The following ANKRD11 variants were observed in gnomAD, a reference collection of about 807,000 sequenced individuals.
The protein encoded by ANKRD11 is ankyrin repeat domain-containing protein 11.
In ANKRD11, 17 loss-of-function variants were observed where a neutral mutation model predicts 195.7. The ratio of observed to expected loss-of-function variants is 0.09; its 90% CI spans 0.06 to 0.13. The LOEUF is 0.13. Among genes scored for constraint, ANKRD11 ranks in the 10% least tolerant of loss-of-function variants. ANKRD11 has a pLI of 1.00. For synonymous variants in ANKRD11, 1,953 were observed against 1,528.1 expected, an observed-to-expected ratio of 1.28 and a Z score of -6.49; for missense variants, 3,735 against 3,566.1, an observed-to-expected ratio of 1.05 and a Z score of -1.21.
chr16:89,449,156 G>A (rs1458178000), intron 1 of ANKRD11, among the ~76,000 whole-genome samples: 1 of 142,848 alleles, frequency 7.0e-6, no homozygotes, highest in Non-Finnish European at 1.5e-5. Context: ...TTTAAGACCT[G>A]CCTAACCAAC....
chr16:89,290,846 G>A lies in ANKRD11; in HGVS notation c.398-18C>T, dbSNP rs1020199055. 1 of 1,612,938 alleles carries A rather than the reference G, an allele frequency of 6.2e-7. No homozygotes were observed. The highest frequency in any genetic ancestry group is 1.7e-5 in the Admixed American group (1 of 60,024). The stretch of plus-strand genomic sequence containing the variant: ...TGTGTCCACTGCAGGCCAAGGAGGG[G>A]ACAGATGGGCATTACTGTGGGGTGG... On this transcript the variant is annotated intron_variant, in intron 5 of 12. Coordinates refer to ENST00000301030, the MANE Select transcript of ANKRD11 (RefSeq NM_013275.6).
At chr16:89,292,849 G>C (rs1309402231) in intron 4 of ANKRD11, among the ~76,000 whole-genome samples, 1 of 152,240 alleles carries the variant, frequency 6.6e-6, no homozygotes, top group Non-Finnish European at 1.5e-5. Flanking sequence ...CTTGGCTGTG[G>C]GTCTCTGCGT....
At position 89,270,924 on chromosome 16, in the gene ANKRD11, C is replaced by A. The variant is rs1264168229; in HGVS notation, c.7714-15G>T. On this transcript the variant is annotated splice_polypyrimidine_tract_variant and intron_variant, in intron 11 of 12. Transcript: ENST00000301030. ...TTCTCGTCACCCTGTGGAAACCAAA[C>A]ACGGGAGTTTCATCAGGAGCCCCAG... 6.2e-7 allele frequency: 1 copy of A among 1,613,608 alleles called. No homozygotes were observed. The highest frequency in any genetic ancestry group is 1.7e-5 in the Admixed American group (1 of 59,986).
chr16:89,439,599 G>A (rs897701565), intron 1 of ANKRD11, among the ~76,000 whole-genome samples: 15 of 152,152 alleles, frequency 9.9e-5, no homozygotes, highest in Admixed American at 6.5e-4. Context: ...ACACCACAGC[G>A]CCTCAGCAAT....
chr16:89,459,839 T>C (rs1464180164), intron 1 of ANKRD11, among the ~76,000 whole-genome samples: 2 of 150,970 alleles, frequency 1.3e-5, no homozygotes, highest in African/African-American at 4.9e-5. Context: ...AGGCTGAGCC[T>C]GGAGGATCGC....
chr16:89,352,405 G>A (rs567369020), intron 2 of ANKRD11, among the ~76,000 whole-genome samples: 3 of 151,616 alleles, frequency 2.0e-5, no homozygotes, highest in Non-Finnish European at 4.4e-5. Flanking sequence ...GAAGGCCACA[G>A]TGACGCCCTC....
In ANKRD11 at chr16:89,280,373, C is replaced by G. The variant is rs2034095548; in HGVS notation, c.6169G>C (p.Ala2057Pro). The G allele has an allele frequency of 6.4e-7, 1 of 1,562,436 alleles. No homozygotes were observed. The highest frequency in any genetic ancestry group is 8.7e-7 in the Non-Finnish European group (1 of 1,155,374). The change falls in exon 9 of 13, where the codon GCC (alanine) becomes CCC (proline). Residue 2057 changes from alanine to proline, a missense_variant. By Grantham distance (27) the Ala-to-Pro change is conservative. Coordinates refer to ENST00000301030, the MANE Select transcript of ANKRD11 (RefSeq NM_013275.6). ...AISTSEAAPY[A>P]PPSGLESFFS... The stretch of plus-strand genomic sequence containing the variant: ...AAGGACTCCAGCCCGGAGGGAGGGG[C>G]GTAGGGAGCCGCCTCTGAGGTGGAG...
At chr16:89,401,962 G>A (rs1231821554) in intron 2 of ANKRD11, among the ~76,000 whole-genome samples, 3 of 98,500 alleles carry the variant, frequency 3.0e-5, no homozygotes, top group African/African-American at 8.4e-5. Context: ...CTCCAGCACC[G>A]CAGAAGGAAC....
In ANKRD11 at chr16:89,286,111, C is replaced by A; in HGVS notation, c.820G>T (p.Ala274Ser). 4 of 1,614,202 alleles carry A rather than the reference C, an allele frequency of 2.5e-6. No individual in the cohort carries two copies. Among genetic ancestry groups the A allele is most frequent in the Non-Finnish European group, 3.4e-6 (4 of 1,180,042 alleles). ...NRKGETPLKV[A>S]NSPTMVNLLL... ...AGGTTCACCATCGTGGGGGAGTTGGCCACTTTCAGCGGCGTCTCGCCTTTC... is the reference window on the plus strand; with the variant it reads ...AGGTTCACCATCGTGGGGGAGTTGGACACTTTCAGCGGCGTCTCGCCTTTC... The change falls in exon 8 of 13, where the codon GCC (alanine) becomes TCC (serine). Residue 274 changes from alanine to serine, a missense_variant. Physicochemically the swap from Ala to Ser is moderately conservative, Grantham distance 99 (BLOSUM62 1). Transcript: ENST00000301030.
intron 1 of ANKRD11, among the ~76,000 whole-genome samples, chr16:89,483,814 C>CA (rs1379249025): frequency 0.018 from 1,449 of 80,674 alleles, 17 homozygotes; most frequent in African/African-American, 0.052. Context: ...AACTCCATCT[C>CA]AAAAAAAAAA....
At chr16:89,475,744 A>G (rs1248960538) in intron 1 of ANKRD11, among the ~76,000 whole-genome samples, 1 of 152,162 alleles carries the variant, frequency 6.6e-6, no homozygotes, top group Non-Finnish European at 1.5e-5. Context: ...AAGAGGGATA[A>G]GGAACACGAA....
At chr16:89,395,621 CA>C (rs1183835878) in intron 2 of ANKRD11, 1 of 152,248 alleles carries the variant, frequency 6.6e-6, no homozygotes, top group Non-Finnish European at 1.5e-5. Context: ...GCATAGGTAT[CA>C]GGGGAGGTAA....
chr16:89,290,792 A>G lies in ANKRD11; in HGVS notation c.434T>C (p.Val145Ala), dbSNP rs1422595234. The change falls in exon 6 of 13, where the codon GTG (valine) becomes GCG (alanine). Residue 145 changes from valine to alanine, a missense_variant. By Grantham distance (64) the Val-to-Ala change is moderately conservative. Transcript: ENST00000301030. ...AGAGTTGGGCGTTCCCTTCTGACACACTGTAGACTGGGAGGGGTGCTTTGG... is the reference window on the plus strand; with the variant it reads ...AGAGTTGGGCGTTCCCTTCTGACACGCTGTAGACTGGGAGGGGTGCTTTGG... ...TTPKHPSQST[V>A]CQKGTPNSAS... 6.2e-7 allele frequency: 1 copy of G among 1,613,844 alleles called. No homozygotes were observed. Among genetic ancestry groups the G allele is most frequent in the East Asian group, 2.2e-5 (1 of 44,882 alleles).
chr16:89,421,071 T>C lies in ANKRD11; in HGVS notation c.-144-2703A>G, dbSNP rs2965936. Reference sequence around the variant, plus strand: ...GAAGGGTCAGTGTGTGATGACGGAGTCAGGGAGTCAGGGATGGGACCATCA... The same window carrying C: ...GAAGGGTCAGTGTGTGATGACGGAGCCAGGGAGTCAGGGATGGGACCATCA... On this transcript the variant is annotated intron_variant, in intron 1 of 12. Coordinates refer to ENST00000301030, the MANE Select transcript of ANKRD11 (RefSeq NM_013275.6). Among the ~76,000 whole-genome samples, 459 of 148,354 alleles carry C rather than the reference T, an allele frequency of 3.1e-3. 4 individuals are homozygous for C. The highest frequency in any genetic ancestry group is 0.011 in the African/African-American group (429 of 40,410).
intron 2 of ANKRD11, among the ~76,000 whole-genome samples, chr16:89,405,292 T>C (rs991392388): frequency 6.6e-6 from 1 of 152,168 alleles, no homozygotes; most frequent in East Asian, 1.9e-4. Context: ...CTGTATTCTG[T>C]AGGGCACATT....
At chr16:89,330,109 TTGAA>T (rs2037969817) in intron 2 of ANKRD11, among the ~76,000 whole-genome samples, 1 of 152,238 alleles carries the variant, frequency 6.6e-6, no homozygotes, top group Non-Finnish European at 1.5e-5. Context: ...TTAAATATAC[TTGAA>T]TGACATTAAA....
intron 1 of ANKRD11, among the ~76,000 whole-genome samples, chr16:89,475,395 C>T (rs757467843): frequency 1.3e-5 from 2 of 152,114 alleles, no homozygotes; most frequent in African/African-American, 2.4e-5. Context: ...ATGAAAGCCC[C>T]GTAACCCACC....
intron 3 of ANKRD11, 37 bp downstream of exon 3, chr16:89,316,896 G>A (rs1470289059): frequency 1.2e-6 from 2 of 1,604,522 alleles, no homozygotes; most frequent in Non-Finnish European, 1.7e-6. Context: ...CCATCTGGGT[G>A]CGGTGAGCAT....
At chr16:89,379,508 G>C (rs139669217) in intron 2 of ANKRD11, among the ~76,000 whole-genome samples, 1 of 152,264 alleles carries the variant, frequency 6.6e-6, no homozygotes, top group Non-Finnish European at 1.5e-5. Context: ...TTTTTAAAGA[G>C]ACAAAGTCTT....
Sources: gnomAD v4.1 joint callset for allele counts (sites outside exome capture counted in the v4.1 genomes callset) on GRCh38, gnomAD v4.1.1 for gene constraint, MANE v1.5 for transcripts, NCBI Gene and HGNC (gene_info 2026-07-23, HGNC 2026-07-21) for gene names.